ZNF85: variants seen among roughly 807,000 people sequenced by gnomAD.
The protein encoded by ZNF85 is zinc finger protein 85.
A neutral mutation model predicts 53.9 loss-of-function variants in ZNF85; 50 were observed. The ratio of observed to expected loss-of-function variants is 0.93; its 90% CI spans 0.74 to 1.17. The LOEUF is 1.17. ZNF85 is among the 50% of genes most tolerant of loss of function. The probability of loss-of-function intolerance (pLI) is 0.00; values close to 1 mark genes in which losing one functional copy is unlikely to be tolerated. For synonymous variants in ZNF85, 225 were observed against 226.1 expected (o/e 1.00, Z 0.04); for missense variants, 747 against 688.5 (o/e 1.08, Z -0.95).
At chr19:20,928,880 C>T (rs1972941381) in intron 1 of ZNF85, among the ~76,000 whole-genome samples, 2 of 151,974 alleles carry the variant, frequency 1.3e-5, no homozygotes, top group South Asian at 2.1e-4. Context: ...AAGTTTTTTT[C>T]TTTTAACTTT....
chr19:20,943,713 T>A (rs1221502172), intron 3 of ZNF85: 1 of 152,236 alleles, frequency 6.6e-6, no homozygotes. Flanking sequence ...AATTATTATG[T>A]TGCTATGTAT....
Position 20,939,038 on chromosome 19 carries a change from A to G in ZNF85, c.229+3991A>G, listed in dbSNP as rs1239608853. 3.3e-5 allele frequency among the ~76,000 whole-genome samples: 5 copies of G among 152,098 alleles called. No homozygotes were observed. The East Asian group carries it at 5.8e-4, about 18-fold the overall frequency. ...TGATTATAAAAAGTTTCTCATTACA[A>G]TATTCTATTTATGCTTATACTGTAT... is the stretch of plus-strand genomic sequence containing the variant. On this transcript the variant is annotated intron_variant, in intron 3 of 3. Transcript: ENST00000328178.
chr19:20,942,852 T>C, intron 3 of ZNF85: 1 of 698,960 alleles, frequency 1.4e-6, no homozygotes, highest in South Asian at 1.5e-5. Context: ...TTTGGCCCAC[T>C]GCAGCCTCAA....
chr19:20,928,716 G>C (rs1972936864), intron 1 of ZNF85: 1 of 152,246 alleles, frequency 6.6e-6, no homozygotes, highest in Non-Finnish European at 1.5e-5. Context: ...GCAGCAAACT[G>C]TTTTCTCCAC....
chr19:20,933,665 T>A (rs1013182436), intron 1 of ZNF85, among the ~76,000 whole-genome samples: 2 of 152,146 alleles, frequency 1.3e-5, no homozygotes, highest in African/African-American at 4.8e-5. Flanking sequence ...ATCTGAAAAA[T>A]ATACACAACT....
At position 20,950,164 on chromosome 19, in the gene ZNF85, C is replaced by A; in HGVS notation, c.1650C>A (p.Ser550=). ...AATGTGGCAAAGCCTTTAACCAGTCCTCAAACCTTACTAAACATAAGAGAA... is the reference window on the plus strand; with the variant it reads ...AATGTGGCAAAGCCTTTAACCAGTCATCAAACCTTACTAAACATAAGAGAA... ...CEECGKAFNQ[S]SNLTKHKRIH... is the part of the protein sequence containing the mutation. The change falls in exon 4 of 4, where the codon TCC becomes TCA. Residue 550 remains serine, a synonymous_variant. Transcript: ENST00000328178. The A allele has an allele frequency of 6.2e-7, 1 of 1,613,510 alleles. No individual in the cohort carries two copies.
Position 20,934,948 on chromosome 19 carries a change from G to T in ZNF85, c.131-1G>T. ...TATATTATTTATTTTTAATAAAACA[G>T]GTATTACTGTTTCTAAGCCAGACCT... On this transcript the variant is annotated splice_acceptor_variant, in intron 2 of 3. Coordinates refer to ENST00000328178, the MANE Select transcript of ZNF85 (RefSeq NM_003429.5). LOFTEE classifies it high-confidence loss of function. 1 of 1,597,204 alleles carries T rather than the reference G, an allele frequency of 6.3e-7. No homozygotes were observed. The highest frequency in any genetic ancestry group is 8.5e-7 in the Non-Finnish European group (1 of 1,171,116).
At position 20,950,029 on chromosome 19, in the gene ZNF85, T is replaced by C. The variant is rs1428780555; in HGVS notation, c.1515T>C (p.Thr505=). 1 of 1,612,958 alleles carries C rather than the reference T, an allele frequency of 6.2e-7. No homozygotes were observed. The highest frequency in any genetic ancestry group is 8.5e-7 in the Non-Finnish European group (1 of 1,179,716). ...TTACTATCCATAAGATAATTCATAC[T>C]GGAGAGAAACCATACAAATGTGAAG... ...STLTIHKIIH[T]GEKPYKCEEC... is the part of the protein sequence containing the mutation. The change falls in exon 4 of 4, where the codon ACT becomes ACC. Residue 505 remains threonine, a synonymous_variant. Coordinates refer to ENST00000328178, the MANE Select transcript of ZNF85 (RefSeq NM_003429.5).
chr19:20,944,707 T>G (rs988702432), intron 3 of ZNF85, among the ~76,000 whole-genome samples: 4 of 151,744 alleles, frequency 2.6e-5, no homozygotes, highest in African/African-American at 9.7e-5. Flanking sequence ...ACATTTCATG[T>G]TTTAATTTTG....
intron 3 of ZNF85, chr19:20,943,703 A>G (rs1973356070): frequency 6.6e-6 from 1 of 152,124 alleles, no homozygotes; most frequent in Non-Finnish European, 1.5e-5. Flanking sequence ...TGATGTCTAC[A>G]ATTATTATGT....
In ZNF85 at chr19:20,950,385, A is replaced by C. The variant is rs1040587832; in HGVS notation, c.*83A>C. Reference sequence around the variant, plus strand: ...ACTGGAGAGAAACTACTAACCTGAAAGATGTGACAATAATTTTGACAACAC... The same window carrying C: ...ACTGGAGAGAAACTACTAACCTGAACGATGTGACAATAATTTTGACAACAC... On this transcript the variant is annotated 3_prime_UTR_variant, in exon 4 of 4. Transcript: ENST00000328178. 17 of 960,676 alleles carry C rather than the reference A, an allele frequency of 1.8e-5. No individual in the cohort carries two copies. The highest frequency in any genetic ancestry group is 2.4e-5 in the Non-Finnish European group (16 of 670,372). 59.5% of individuals were successfully genotyped at this position (960,676 alleles called of 1,614,324 possible).
rs146063134 is a variant in ZNF85, at chr19:20,949,647, C to T, written c.1133C>T (p.Ala378Val). 42 of 1,612,994 alleles carry T rather than the reference C, an allele frequency of 2.6e-5. No homozygotes were observed. The highest frequency in any genetic ancestry group is 3.3e-4 in the Middle Eastern group (2 of 6,072). The change falls in exon 4 of 4, where the codon GCC (alanine) becomes GTC (valine). Residue 378 changes from alanine (A) to valine (V), a missense_variant. By Grantham distance (64) the Ala-to-Val change is moderately conservative. Transcript: ENST00000328178. Reference sequence around the variant, plus strand: ...TACAAATGTGAAAAATGTGGAAAAGCCTTTAATCATTTCTCACACCTTACT... The same window carrying T: ...TACAAATGTGAAAAATGTGGAAAAGTCTTTAATCATTTCTCACACCTTACT... ...KPYKCEKCGK[A>V]FNHFSHLTTH...
chr19:20,940,704 G>C (rs1360928864), intron 3 of ZNF85, among the ~76,000 whole-genome samples: 1 of 152,048 alleles, frequency 6.6e-6, no homozygotes, highest in African/African-American at 2.4e-5. Context: ...TCCACTTTCT[G>C]TTTTTATGAG....
chr19:20,926,464 G>C lies in ZNF85; in HGVS notation c.3+3061G>C, dbSNP rs77981405. Among the ~76,000 whole-genome samples the C allele has an allele frequency of 6.7e-3, 1,011 of 151,954 alleles. 4 individuals are homozygous for C. The highest frequency in any genetic ancestry group is 0.011 in the Non-Finnish European group (743 of 67,974). On this transcript the variant is annotated intron_variant, in intron 1 of 3. Coordinates refer to ENST00000328178, the MANE Select transcript of ZNF85 (RefSeq NM_003429.5). Reference sequence around the variant, plus strand: ...CACCAAAAATTTTCTTTTTTTATATGAACACTGTGTTTGAGTGATTTCATT... The same window carrying C: ...CACCAAAAATTTTCTTTTTTTATATCAACACTGTGTTTGAGTGATTTCATT...
intron 3 of ZNF85, chr19:20,943,656 T>G (rs1178366551): frequency 6.6e-6 from 1 of 152,228 alleles, no homozygotes; most frequent in Non-Finnish European, 1.5e-5. Flanking sequence ...ATTGATCTTT[T>G]GTCTGAATTT....
At chr19:20,930,461 TA>T (rs943549819) in intron 1 of ZNF85, among the ~76,000 whole-genome samples, 1 of 151,974 alleles carries the variant, frequency 6.6e-6, no homozygotes, top group Admixed American at 6.6e-5. Flanking sequence ...TCTATGCAAT[TA>T]AAAAAAATCA....
At chr19:20,935,368 T>A (rs1450380574) in intron 3 of ZNF85, among the ~76,000 whole-genome samples, 2 of 152,240 alleles carry the variant, frequency 1.3e-5, no homozygotes, top group African/African-American at 2.4e-5. Context: ...AATATCTGCA[T>A]AATTTTGAAA....
At chr19:20,946,215 CCT>C (rs747754656) in intron 3 of ZNF85, 5 of 310,280 alleles carry the variant, frequency 1.6e-5, no homozygotes, top group South Asian at 3.1e-5. Flanking sequence ...TTAATTATAC[CCT>C]GATTCCATTT....
chr19:20,942,768 TTTG>T (rs1422262575), intron 3 of ZNF85: 9 of 694,892 alleles, frequency 1.3e-5, no homozygotes, highest in South Asian at 6.1e-5. Context: ...CTTAAATTTA[TTTG>T]TTGTTGTTGT....
Sources: allele counts gnomAD v4.1 joint callset (sites outside exome capture counted in the v4.1 genomes callset), GRCh38; gene constraint gnomAD v4.1.1; transcripts MANE v1.5; gene names NCBI Gene and HGNC (gene_info 2026-07-23, HGNC 2026-07-21).